EYA4: variants seen among roughly 807,000 people sequenced by gnomAD.
The protein encoded by EYA4 is EYA transcriptional coactivator and phosphatase 4, also known as protein phosphatase EYA4.
In EYA4, 31 loss-of-function variants were observed where a neutral mutation model predicts 87.9. That is an observed-to-expected ratio of 0.35 (90% CI 0.27 to 0.48). EYA4 has a LOEUF of 0.48. Ranked by LOEUF, EYA4 falls within the 20% of genes least tolerant of loss-of-function variation. The probability of loss-of-function intolerance (pLI) is 0.99; values close to 1 mark genes in which losing one functional copy is unlikely to be tolerated. For synonymous variants in EYA4, 263 were observed against 270.6 expected, an observed-to-expected ratio of 0.97 and a Z score of 0.28; for missense variants, 678 against 761.4, an observed-to-expected ratio of 0.89 and a Z score of 1.29.
In EYA4 at chr6:133,529,584, G is replaced by A. The variant is rs1054047961; in HGVS notation, c.*779G>A. The A allele has an allele frequency of 1.0e-6, 1 of 982,164 alleles. No individual in the cohort carries two copies. Among genetic ancestry groups the A allele is most frequent in the Non-Finnish European group, 1.2e-6 (1 of 828,608 alleles). 60.8% of individuals were successfully genotyped at this position (982,164 alleles called of 1,614,324 possible). On this transcript the variant is annotated 3_prime_UTR_variant, in exon 20 of 20. Transcript: ENST00000355286. ...TAACATGACCAAATTTAAAAGTCAA[G>A]CTCTCAGAGCTTAATTACCGCATCA...
intron 2 of EYA4, among the ~76,000 whole-genome samples, chr6:133,345,107 G>A (rs1583017560): frequency 6.6e-6 from 1 of 152,200 alleles, no homozygotes; most frequent in African/African-American, 2.4e-5. Flanking sequence ...CTAACTTTGT[G>A]TATGTATGGG....
chr6:133,492,408 G>T (rs972637673), intron 13 of EYA4, among the ~76,000 whole-genome samples: 1 of 151,136 alleles, frequency 6.6e-6, no homozygotes, highest in Non-Finnish European at 1.5e-5. Context: ...AACATCCTTT[G>T]CTGATAAAAA....
Position 133,481,586 on chromosome 6 carries a change from A to T in EYA4, c.1094A>T (p.Asp365Val). Reference sequence around the variant, plus strand: ...AAAAATAATCCCTCCCCGCCTCCTGATAGTGACCTGGAGGTATGCCTACTC... The same window carrying T: ...AAAAATAATCCCTCCCCGCCTCCTGTTAGTGACCTGGAGGTATGCCTACTC... The part of the protein sequence containing the change: ...GRKNNPSPPP[D>V]SDLERVFVWD... Residue 365 changes from aspartate (D) to valine (V), a missense_variant, in exon 12 of 20, where the codon GAT (aspartate) becomes GTT (valine). Coordinates refer to ENST00000355286, the MANE Select transcript of EYA4 (RefSeq NM_004100.5). The T allele has an allele frequency of 6.2e-7, 1 of 1,614,012 alleles. No homozygotes were observed. The highest frequency in any genetic ancestry group is 8.5e-7 in the Non-Finnish European group (1 of 1,179,898).
intron 2 of EYA4, among the ~76,000 whole-genome samples, chr6:133,303,504 T>A (rs1434139784): frequency 2.6e-5 from 4 of 152,170 alleles, no homozygotes; most frequent in Non-Finnish European, 5.9e-5. Context: ...AGCCTCTCTC[T>A]CCACTGCCTC....
In EYA4 at chr6:133,515,050, C is replaced by T. The variant is rs11154730; in HGVS notation, c.1502-271C>T. ...CTCTTTAGATGATTGAGATCCACTG[C>T]GCTAGATTGTAGGATCAGTGAGGGC... is the stretch of plus-strand genomic sequence containing the variant. On this transcript the variant is annotated intron_variant, in intron 16 of 19. Coordinates refer to ENST00000355286, the MANE Select transcript of EYA4 (RefSeq NM_004100.5). 0.32 allele frequency among the ~76,000 whole-genome samples: 49,312 copies of T among 151,832 alleles called. 9,278 individuals are homozygous for T. Among genetic ancestry groups the T allele is most frequent in the African/African-American group, 0.52 (21,341 of 41,300 alleles).
chr6:133,434,747 CT>C (rs1791501244), intron 3 of EYA4, among the ~76,000 whole-genome samples: 2 of 152,158 alleles, frequency 1.3e-5, no homozygotes, highest in African/African-American at 4.8e-5. Context: ...ATGCTTTGCT[CT>C]TGTTAGTACA....
At chr6:133,311,230 G>T (rs1345426842) in intron 2 of EYA4, among the ~76,000 whole-genome samples, 1 of 152,108 alleles carries the variant, frequency 6.6e-6, no homozygotes, top group African/African-American at 2.4e-5. Flanking sequence ...CATGGTAGTT[G>T]CTTCTGGCAG....
At chr6:133,401,563 A>G (rs996591147) in intron 3 of EYA4, among the ~76,000 whole-genome samples, 2 of 152,168 alleles carry the variant, frequency 1.3e-5, no homozygotes, top group African/African-American at 4.8e-5. Context: ...TATAACAACT[A>G]TAGCCCTTAG....
chr6:133,412,466 A>G (rs137858749), intron 3 of EYA4, among the ~76,000 whole-genome samples: 5 of 152,278 alleles, frequency 3.3e-5, no homozygotes, highest in African/African-American at 1.2e-4. Flanking sequence ...TCAACACTGT[A>G]GATCAATATT....
At chr6:133,457,281 G>A (rs2128645581) in intron 6 of EYA4, among the ~76,000 whole-genome samples, 1 of 152,250 alleles carries the variant, frequency 6.6e-6, no homozygotes, top group Admixed American at 6.5e-5. Context: ...CAAAGGGCAT[G>A]AATTAAGTAG....
intron 1 of EYA4, among the ~76,000 whole-genome samples, chr6:133,255,216 A>G (rs2128236176): frequency 6.6e-6 from 1 of 152,320 alleles, no homozygotes. Context: ...TATTCAGAGA[A>G]GGAAATTCAT....
At chr6:133,410,130 A>G (rs1284798001) in intron 3 of EYA4, among the ~76,000 whole-genome samples, 2 of 152,172 alleles carry the variant, frequency 1.3e-5, no homozygotes, top group East Asian at 3.8e-4. Context: ...ATATAGATAT[A>G]TAGTCAGATT....
chr6:133,293,465 A>C (rs903077111), intron 2 of EYA4, among the ~76,000 whole-genome samples: 1 of 152,068 alleles, frequency 6.6e-6, no homozygotes, highest in Admixed American at 6.6e-5. Context: ...AAAAATCATG[A>C]ATGAGAATAA....
At chr6:133,515,660 G>GA (rs1291799946) in intron 17 of EYA4, among the ~76,000 whole-genome samples, 1 of 147,312 alleles carries the variant, frequency 6.8e-6, no homozygotes, top group Non-Finnish European at 1.5e-5. Context: ...TGTGTGTTGG[G>GA]ATGAGAGAAG....
intron 2 of EYA4, among the ~76,000 whole-genome samples, chr6:133,353,730 G>T (rs1200445803): frequency 6.6e-6 from 1 of 152,168 alleles, no homozygotes; most frequent in African/African-American, 2.4e-5. Flanking sequence ...AGTGAAAGCT[G>T]CAGGCTTATC....
rs897811426 is a variant in EYA4, at chr6:133,481,475, C to T, written c.983C>T (p.Thr328Ile). ...GLTNQPGEFDTMQSPSTPIKD... is the reference protein window; with the variant it reads ...GLTNQPGEFDIMQSPSTPIKD... ...ATGTTATCTATAGGAGAGTTCGATA[C>T]CATGCAGAGTCCCTCCACACCCATC... Residue 328 changes from threonine to isoleucine, a missense_variant, in exon 12 of 20, where the codon ACC (threonine) becomes ATC (isoleucine). Transcript: ENST00000355286. The T allele has an allele frequency of 6.2e-7, 1 of 1,613,670 alleles. No individual in the cohort carries two copies. The highest frequency in any genetic ancestry group is 8.5e-7 in the Non-Finnish European group (1 of 1,179,760).
At chr6:133,393,213 G>C (rs549923534) in intron 3 of EYA4, among the ~76,000 whole-genome samples, 1 of 152,048 alleles carries the variant, frequency 6.6e-6, no homozygotes, top group Non-Finnish European at 1.5e-5. Context: ...CTTCATGCTT[G>C]GCCAACTCTA....
At chr6:133,363,389 A>G (rs555494838) in intron 2 of EYA4, 1 of 152,342 alleles carries the variant, frequency 6.6e-6, no homozygotes, top group South Asian at 2.1e-4. Context: ...TTCTGGACTC[A>G]CAGCTCTGAC....
intron 5 of EYA4, among the ~76,000 whole-genome samples, chr6:133,451,461 A>G (rs1190266972): frequency 6.6e-6 from 1 of 152,188 alleles, no homozygotes; most frequent in African/African-American, 2.4e-5. Flanking sequence ...TGGTGTCAGG[A>G]TTCATGATGA....
Sources: gnomAD v4.1 joint callset for allele counts (sites outside exome capture counted in the v4.1 genomes callset) on GRCh38, gnomAD v4.1.1 for gene constraint, MANE v1.5 for transcripts, NCBI Gene and HGNC (gene_info 2026-07-23, HGNC 2026-07-21) for gene names.